Variants in MFHAS1 observed in about 807,000 individuals in gnomAD.
MFHAS1 encodes multifunctional ROCO family signaling regulator 1.
Under a neutral mutation model 70.4 loss-of-function variants are expected in MFHAS1, and 50 were observed. The ratio of observed to expected loss-of-function variants is 0.71; its 90% CI spans 0.57 to 0.90. MFHAS1 has a LOEUF of 0.90. Ranked by LOEUF, MFHAS1 falls within the 40% of genes least tolerant of loss-of-function variation. The pLI, the probability that MFHAS1 is intolerant of heterozygous loss-of-function variation, is 0.00. For missense variants in MFHAS1, 1,795 were observed against 1,347.6 expected (o/e 1.33, Z -5.20); for synonymous variants, 952 against 620.0 (o/e 1.54, Z -7.96).
At chr8:8,821,268 T>G (rs945068140) in intron 1 of MFHAS1, among the ~76,000 whole-genome samples, 4 of 152,006 alleles carry the variant, frequency 2.6e-5, no homozygotes. Flanking sequence ...TGGCAGGAGG[T>G]CAAAGAATCT....
intron 1 of MFHAS1, among the ~76,000 whole-genome samples, chr8:8,800,862 C>CA (rs1026736816): frequency 1.3e-5 from 2 of 152,126 alleles, no homozygotes; most frequent in African/African-American, 4.8e-5. Context: ...CAGCCTGGTG[C>CA]AGCAGGCTTC....
chr8:8,813,409 G>C (rs550831855), intron 1 of MFHAS1, among the ~76,000 whole-genome samples: 3 of 152,144 alleles, frequency 2.0e-5, no homozygotes, highest in South Asian at 4.2e-4. Flanking sequence ...TGTTCCAGGA[G>C]AAGGCATTTT....
intron 1 of MFHAS1, among the ~76,000 whole-genome samples, chr8:8,830,728 G>A (rs1221077328): frequency 2.6e-5 from 4 of 152,170 alleles, no homozygotes; most frequent in African/African-American, 4.8e-5. Context: ...TCAGCCTCCC[G>A]AGTAGCTGGG....
chr8:8,875,756 A>T (rs912750607), intron 1 of MFHAS1, among the ~76,000 whole-genome samples: 1 of 152,060 alleles, frequency 6.6e-6, no homozygotes, highest in African/African-American at 2.4e-5. Context: ...ACGCTCAGCT[A>T]ATTTTTGCAA....
intron 1 of MFHAS1, among the ~76,000 whole-genome samples, chr8:8,799,258 C>G (rs1030058159): frequency 3.3e-5 from 5 of 152,068 alleles, no homozygotes; most frequent in Non-Finnish European, 7.4e-5. Flanking sequence ...AAATTTACAA[C>G]AATAAATAGG....
chr8:8,890,775 C>T lies in MFHAS1; in HGVS notation c.2284G>A (p.Ala762Thr), dbSNP rs1362759825. 4 of 1,613,984 alleles carry T rather than the reference C, an allele frequency of 2.5e-6. No individual in the cohort carries two copies. In the African/African-American group the frequency reaches 5.3e-5, roughly 22 times the overall value. Residue 762 changes from alanine (A) to threonine (T), a missense_variant, in exon 1 of 3, where the codon GCG becomes ACG. Coordinates refer to ENST00000276282, the MANE Select transcript of MFHAS1 (RefSeq NM_004225.3). ...ATGGGCGGGGAGCTTTCCCCCTCCG[C>T]CTTGCCCTCTCCACTGGTCCCTAGG... Reference protein sequence around the residue: ...LLLGTSGEGKAEGESSPPMAR... With the variant: ...LLLGTSGEGKTEGESSPPMAR...
At chr8:8,819,801 C>G (rs1048208950) in intron 1 of MFHAS1, among the ~76,000 whole-genome samples, 2 of 151,956 alleles carry the variant, frequency 1.3e-5, no homozygotes, top group Non-Finnish European at 2.9e-5. Context: ...CAGGCTCAAG[C>G]AATCCTTCTG....
rs1810062514 is a variant in MFHAS1 at position 8,891,887 on chromosome 8, T to C, written c.1172A>G (p.Tyr391Cys). The change falls in exon 1 of 3, where the codon TAC becomes TGC. Residue 391 changes from tyrosine (Y) to cysteine (C), a missense_variant. Transcript: ENST00000276282. This position sits in a 1 kb window ranked among gnomAD's most constrained non-coding sequence, Gnocchi z 5.4. ...PYEVCMKGIP[Y>C]IAAYQKELAH... The stretch of plus-strand genomic sequence containing the variant: ...CAGTTCCTTCTGGTAGGCTGCGATG[T>C]AGGGGATCCCCTTCATGCAGACCTC... 2 of 1,611,446 alleles carry C rather than the reference T, an allele frequency of 1.2e-6. No individual in the cohort carries two copies. The highest frequency in any genetic ancestry group is 2.2e-5 in the East Asian group (1 of 44,850).
chr8:8,882,219 TAAAA>T (rs568478411), intron 1 of MFHAS1, among the ~76,000 whole-genome samples: 143 of 150,488 alleles, frequency 9.5e-4, no homozygotes, highest in African/African-American at 3.2e-3. Flanking sequence ...CCATCTCTAC[TAAAA>T]AAAAACACAC....
intron 1 of MFHAS1, among the ~76,000 whole-genome samples, chr8:8,850,939 G>C (rs1382836346): frequency 1.3e-5 from 2 of 151,602 alleles, no homozygotes; most frequent in African/African-American, 4.9e-5. Flanking sequence ...CCCATCTCCA[G>C]CTAGCAGGTT....
chr8:8,799,952 T>C (rs975929451), intron 1 of MFHAS1, among the ~76,000 whole-genome samples: 1 of 152,156 alleles, frequency 6.6e-6, no homozygotes, highest in African/African-American at 2.4e-5. Flanking sequence ...GGTTATGCGA[T>C]GTACCCAGAG....
At chr8:8,807,044 G>GA (rs1019025172) in intron 1 of MFHAS1, among the ~76,000 whole-genome samples, 15 of 152,034 alleles carry the variant, frequency 9.9e-5, no homozygotes, top group Admixed American at 1.3e-4. Flanking sequence ...TGGGGGTATA[G>GA]AAAATCATTC....
chr8:8,786,029 T>C lies in MFHAS1; in HGVS notation c.3152A>G (p.Asn1051Ser), dbSNP rs1007738078. Residue 1051 changes from asparagine (N) to serine (S), a missense_variant, in exon 3 of 3, where the codon AAC becomes AGC. Coordinates refer to ENST00000276282, the MANE Select transcript of MFHAS1 (RefSeq NM_004225.3). ...SKKNVGEKHR[N>S]Q ...ATTCCACAGCCACAAACGTCACTGG[T>C]TTCTGTGCTTTTCACCAACATTCTT... 2.5e-6 allele frequency: 4 copies of C among 1,614,024 alleles called. No homozygotes were observed. The African/African-American group carries it at 5.3e-5, about 22-fold the overall frequency.
At chr8:8,829,070 G>A (rs1807271530) in intron 1 of MFHAS1, among the ~76,000 whole-genome samples, 1 of 152,112 alleles carries the variant, frequency 6.6e-6, no homozygotes, top group African/African-American at 2.4e-5. Context: ...TGGGCCCTTT[G>A]TGATCCAGCC....
chr8:8,891,429 C>T lies in MFHAS1; in HGVS notation c.1630G>A (p.Glu544Lys). 6.2e-7 allele frequency: 1 copy of T among 1,612,920 alleles called. No individual in the cohort carries two copies. Among genetic ancestry groups the T allele is most frequent in the South Asian group, 1.1e-5 (1 of 91,088 alleles). The change falls in exon 1 of 3, where the codon GAG (glutamate) becomes AAG (lysine). Residue 544 changes from glutamate (E) to lysine (K), a missense_variant. Physicochemically the swap from Glu to Lys is moderately conservative, Grantham distance 56. Coordinates refer to ENST00000276282, the MANE Select transcript of MFHAS1 (RefSeq NM_004225.3). The surrounding 1 kb of genome is among the most constrained non-coding windows in gnomAD (Gnocchi z 5.4). The stretch of plus-strand genomic sequence containing the variant: ...AGACATTTCTCCTCCAGCTCACGCT[C>T]TCCGCACAGGTCTGCGTGGGTGCCC... ...IVGTHADLCG[E>K]RELEEKCLDI...
At chr8:8,837,039 C>T (rs1038499688) in intron 1 of MFHAS1, among the ~76,000 whole-genome samples, 3 of 152,128 alleles carry the variant, frequency 2.0e-5, no homozygotes, top group Non-Finnish European at 2.9e-5. Flanking sequence ...TGGATTGGGA[C>T]GTGCAATGGC....
intron 1 of MFHAS1, among the ~76,000 whole-genome samples, chr8:8,879,656 T>C (rs1342508726): frequency 6.6e-6 from 1 of 152,150 alleles, no homozygotes; most frequent in Admixed American, 6.6e-5. Flanking sequence ...CCCCCCAAAG[T>C]AACATTCAAA....
At chr8:8,822,965 G>GA (rs1807022662) in intron 1 of MFHAS1, among the ~76,000 whole-genome samples, 1 of 152,110 alleles carries the variant, frequency 6.6e-6, no homozygotes, top group East Asian at 1.9e-4. Flanking sequence ...GGCGGGAAGG[G>GA]AGGGTAACAG....
rs1808502996 is a variant in MFHAS1 at position 8,857,863 on chromosome 8, T to C, written c.2998+32198A>G. On this transcript the variant is annotated intron_variant, in intron 1 of 2. Coordinates refer to ENST00000276282, the MANE Select transcript of MFHAS1 (RefSeq NM_004225.3). ...ACTTTTAAAATACCTAAAGCAAGTTTCCCTGTAGAGTTGGGCAAATTCCAT... is the reference window on the plus strand; with the variant it reads ...ACTTTTAAAATACCTAAAGCAAGTTCCCCTGTAGAGTTGGGCAAATTCCAT... Among the ~76,000 whole-genome samples the C allele has an allele frequency of 5.3e-5, 8 of 152,336 alleles. No homozygotes were observed. The South Asian group carries it at 1.7e-3, about 32-fold the overall frequency.
Sources: allele counts gnomAD v4.1 joint callset (sites outside exome capture counted in the v4.1 genomes callset), GRCh38; gene constraint gnomAD v4.1.1; non-coding constraint Gnocchi (gnomAD v3.1); transcripts MANE v1.5; gene names NCBI Gene and HGNC (gene_info 2026-07-23, HGNC 2026-07-21).